PCDH7: variants seen among roughly 807,000 people sequenced by gnomAD.
PCDH7 encodes protocadherin 7.
PCDH7 carries 17 observed loss-of-function variants against 58.9 expected under a neutral mutation model. That is an observed-to-expected ratio of 0.29 (90% CI 0.20 to 0.43). The LOEUF (loss-of-function observed/expected upper bound fraction) is 0.43. Among genes scored for constraint, PCDH7 ranks in the 20% least tolerant of loss-of-function variants. The pLI, the probability that PCDH7 is intolerant of heterozygous loss-of-function variation, is 1.00. For missense variants in PCDH7, 1,274 were observed against 1,441.0 expected (o/e 0.88, Z 1.88); for synonymous variants, 664 against 616.4 (o/e 1.08, Z -1.14).
rs1175165887 is a variant in PCDH7, at chr4:30,722,078, C to T, written c.656C>T (p.Ser219Leu). The T allele has an allele frequency of 7.7e-7, 1 of 1,295,420 alleles. No homozygotes were observed. The highest frequency in any genetic ancestry group is 9.8e-7 in the Non-Finnish European group (1 of 1,025,620). 80.2% of individuals were successfully genotyped at this position (1,295,420 alleles called of 1,614,324 possible). The change falls in exon 1 of 2, where the codon TCG becomes TTG. Residue 219 changes from serine to leucine, a missense_variant. Physicochemically the swap from Ser to Leu is moderately radical, Grantham distance 145. Coordinates refer to ENST00000361762, the Ensembl canonical transcript of PCDH7. This position sits in a 1 kb window ranked among gnomAD's most constrained non-coding sequence, Gnocchi z 7.6. ...GGGAACGGCGCGAGCGGCGGCGGCT[C>T]GGGAGGCTCCAAGCGGCGGCTGGAC...
intron 1 of PCDH7, among the ~76,000 whole-genome samples, chr4:30,769,880 G>A (rs1355384922): frequency 2.0e-5 from 3 of 152,202 alleles, no homozygotes; most frequent in Non-Finnish European, 4.4e-5. Flanking sequence ...GGATTACAAG[G>A]TGTGATACTT....
intron 3 of PCDH7, among the ~76,000 whole-genome samples, chr4:31,053,820 C>T (rs1756939901): frequency 6.6e-6 from 1 of 151,844 alleles, no homozygotes; most frequent in Admixed American, 6.6e-5. Flanking sequence ...TTGATTTTCC[C>T]ATACCATTTA....
intron 1 of PCDH7, among the ~76,000 whole-genome samples, chr4:30,855,992 T>C (rs1477718222): frequency 2.0e-5 from 3 of 152,116 alleles, no homozygotes; most frequent in Non-Finnish European, 4.4e-5. Context: ...AGTAATTTTA[T>C]TGAAGTACCA....
intron 3 of PCDH7, among the ~76,000 whole-genome samples, chr4:31,068,170 G>C (rs970871953): frequency 6.6e-6 from 1 of 151,770 alleles, no homozygotes; most frequent in Admixed American, 6.6e-5. Context: ...TCACCATCTT[G>C]ATCTTTATTT....
At chr4:31,102,189 T>TC (rs1714974837) in intron 3 of PCDH7, among the ~76,000 whole-genome samples, 1 of 151,774 alleles carries the variant, frequency 6.6e-6, no homozygotes, top group South Asian at 2.1e-4. Flanking sequence ...AATATTATGA[T>TC]CCTTTTTTTT....
At chr4:30,885,742 C>T (rs1321483786) in intron 1 of PCDH7, among the ~76,000 whole-genome samples, 2 of 152,046 alleles carry the variant, frequency 1.3e-5, no homozygotes, top group Non-Finnish European at 2.9e-5. Flanking sequence ...CTACAGTAAC[C>T]AAAACAGCAT....
intron 2 of PCDH7, among the ~76,000 whole-genome samples, chr4:30,921,783 T>G (rs1156759109): frequency 6.6e-6 from 1 of 151,832 alleles, no homozygotes; most frequent in Non-Finnish European, 1.5e-5. Flanking sequence ...TGAATTGCAA[T>G]GCTGATGAAT....
chr4:30,901,581 G>A (rs1326916197), intron 1 of PCDH7, among the ~76,000 whole-genome samples: 1 of 152,106 alleles, frequency 6.6e-6, no homozygotes, highest in Admixed American at 6.5e-5. Flanking sequence ...ACACGGCAGG[G>A]AATTTACTGG....
intron 3 of PCDH7, among the ~76,000 whole-genome samples, chr4:31,049,943 G>T (rs1756603939): frequency 6.6e-6 from 1 of 152,070 alleles, no homozygotes; most frequent in Non-Finnish European, 1.5e-5. Flanking sequence ...AGCTGAAAGG[G>T]GTAGTTTTCT....
intron 1 of PCDH7, among the ~76,000 whole-genome samples, chr4:30,756,082 ACC>A (rs1719261847): frequency 6.6e-6 from 1 of 152,116 alleles, no homozygotes; most frequent in South Asian, 2.1e-4. Flanking sequence ...AGTCTCAAAA[ACC>A]AACCAACCAA....
intron 1 of PCDH7, among the ~76,000 whole-genome samples, chr4:30,908,209 AT>A (rs1741237406): frequency 6.7e-6 from 1 of 149,412 alleles, no homozygotes; most frequent in Non-Finnish European, 1.5e-5. Context: ...AAACCTGCAC[AT>A]TGTGCACATG....
At chr4:30,806,365 C>G (rs562537948) in intron 1 of PCDH7, among the ~76,000 whole-genome samples, 1 of 152,038 alleles carries the variant, frequency 6.6e-6, no homozygotes, top group Admixed American at 6.6e-5. Context: ...AGTGCAGTTG[C>G]ACAATCTTGG....
At chr4:30,931,248 C>T (rs887575343) in intron 2 of PCDH7, among the ~76,000 whole-genome samples, 2 of 152,016 alleles carry the variant, frequency 1.3e-5, no homozygotes, top group Non-Finnish European at 2.9e-5. Flanking sequence ...CTTCCATAGA[C>T]ATGTCCAAAA....
chr4:30,991,774 A>G (rs1347387671), intron 3 of PCDH7, among the ~76,000 whole-genome samples: 1 of 152,152 alleles, frequency 6.6e-6, no homozygotes, highest in African/African-American at 2.4e-5. Flanking sequence ...ACAGAAAATA[A>G]TTAAAGTATT....
chr4:30,728,470 T>A (rs1329488530), intron 1 of PCDH7, among the ~76,000 whole-genome samples: 1 of 151,750 alleles, frequency 6.6e-6, no homozygotes, highest in Admixed American at 6.6e-5. Context: ...AATCTGCATA[T>A]GTTGTAATTT....
At chr4:30,908,796 A>C (rs924166806) in intron 1 of PCDH7, among the ~76,000 whole-genome samples, 2 of 152,174 alleles carry the variant, frequency 1.3e-5, no homozygotes, top group Non-Finnish European at 2.9e-5. Context: ...TATTCCAAAC[A>C]ATAGAAAAAG....
At chr4:31,145,292 T>G (rs1456726371), downstream of PCDH7, 2 of 152,090 alleles carry the variant, frequency 1.3e-5, no homozygotes, top group Non-Finnish European at 2.9e-5. Flanking sequence ...AGAATAAAAT[T>G]CAGTGTACTG....
chr4:30,993,408 C>T (rs1578509830), intron 3 of PCDH7, among the ~76,000 whole-genome samples: 1 of 152,224 alleles, frequency 6.6e-6, no homozygotes, highest in Admixed American at 6.5e-5. Context: ...AAACCATAAT[C>T]GAGACTGAGT....
chr4:30,859,438 T>C (rs916171206), intron 1 of PCDH7, among the ~76,000 whole-genome samples: 1 of 151,902 alleles, frequency 6.6e-6, no homozygotes, highest in Non-Finnish European at 1.5e-5. Flanking sequence ...AATTCTTCTT[T>C]TTTTTTTTTC....
Sources: allele counts gnomAD v4.1 joint callset (sites outside exome capture counted in the v4.1 genomes callset), GRCh38; gene constraint gnomAD v4.1.1; non-coding constraint Gnocchi (gnomAD v3.1); transcripts MANE v1.5; gene names NCBI Gene and HGNC (gene_info 2026-07-23, HGNC 2026-07-21).